Variants in SVEP1 observed in about 807,000 individuals in gnomAD.
SVEP1 encodes the protein sushi, von Willebrand factor type A, EGF and pentraxin domain-containing protein 1.
SVEP1 carries 164 observed loss-of-function variants against 367.3 expected under a neutral mutation model. The observed-to-expected ratio is 0.45, with a 90% CI of 0.39 to 0.51. The LOEUF is 0.51. Ranked by LOEUF, SVEP1 falls within the 20% of genes least tolerant of loss-of-function variation. The probability of loss-of-function intolerance (pLI) is 0.00; values close to 1 mark genes in which losing one functional copy is unlikely to be tolerated. For synonymous variants in SVEP1, 1,666 were observed against 1,611.6 expected (o/e 1.03, Z -0.81); for missense variants, 4,117 against 4,425.3 (o/e 0.93, Z 1.98).
At chr9:110,495,804 A>C (rs1158706072) in intron 8 of SVEP1, among the ~76,000 whole-genome samples, 2 of 152,218 alleles carry the variant, frequency 1.3e-5, no homozygotes, top group Non-Finnish European at 2.9e-5. Flanking sequence ...CTATACAAAG[A>C]AAATTAAAAT....
intron 40 of SVEP1, among the ~76,000 whole-genome samples, chr9:110,396,770 A>G (rs1298868328): frequency 6.6e-6 from 1 of 152,116 alleles, no homozygotes; most frequent in Non-Finnish European, 1.5e-5. Flanking sequence ...CTCGACACAT[A>G]CATCCTCCCA....
chr9:110,576,227 T>TCA (rs57822772), intron 1 of SVEP1, among the ~76,000 whole-genome samples: 14,729 of 149,958 alleles, frequency 0.098, 2,027 homozygotes, highest in African/African-American at 0.31. Flanking sequence ...ATAGGTAGTC[T>TCA]CACACACACA....
intron 3 of SVEP1, among the ~76,000 whole-genome samples, chr9:110,519,249 A>G (rs546779499): frequency 6.6e-6 from 1 of 152,308 alleles, no homozygotes; most frequent in South Asian, 2.1e-4. Context: ...GGCATTTGGG[A>G]AATGTTAGAA....
chr9:110,429,869 C>T lies in SVEP1; in HGVS notation c.5615+51G>A. The T allele has an allele frequency of 2.7e-6, 4 of 1,480,080 alleles. No homozygotes were observed. In the South Asian group the frequency reaches 3.4e-5, roughly 13 times the overall value. The allele number at this position is 1,480,080 out of a possible 1,614,324, so 91.7% of individuals were successfully genotyped here. A position where few individuals can be genotyped will look rare whatever the true frequency, so the allele number is the denominator to read the frequency against. On this transcript the variant is annotated intron_variant, in intron 34 of 47. Coordinates refer to ENST00000374469, the MANE Select transcript of SVEP1 (RefSeq NM_153366.4). ...CTTTCTTTCAGTGTTATATCACTAC[C>T]AGTATGCCATCAACATCTTCTACAA... is the stretch of plus-strand genomic sequence containing the variant.
intron 12 of SVEP1, among the ~76,000 whole-genome samples, chr9:110,480,531 A>G (rs924980500): frequency 2.0e-5 from 3 of 152,168 alleles, no homozygotes; most frequent in Non-Finnish European, 4.4e-5. Flanking sequence ...AATAGTTTAA[A>G]ATCTAAATCA....
chr9:110,528,152 G>GTATATA (rs1366946066), intron 3 of SVEP1, among the ~76,000 whole-genome samples: 186 of 22,004 alleles, frequency 8.5e-3, no homozygotes, highest in Middle Eastern at 0.031. Flanking sequence ...GTGTGTGTGT[G>GTATATA]TGTGTATATA....
At chr9:110,530,834 G>A (rs1830009443) in intron 3 of SVEP1, among the ~76,000 whole-genome samples, 1 of 152,116 alleles carries the variant, frequency 6.6e-6, no homozygotes, top group African/African-American at 2.4e-5. Flanking sequence ...ACCGTGCCCA[G>A]TCTTTATTCA....
At chr9:110,516,520 ATTAT>A (rs144022069) in intron 3 of SVEP1, among the ~76,000 whole-genome samples, 24,966 of 151,896 alleles carry the variant, frequency 0.16, 2,535 homozygotes, top group Admixed American at 0.26. Flanking sequence ...GAACTACTGA[ATTAT>A]TTATATTACT....
intron 24 of SVEP1, among the ~76,000 whole-genome samples, chr9:110,449,135 TG>T (rs1210958342): frequency 1.3e-5 from 2 of 151,710 alleles, no homozygotes; most frequent in African/African-American, 2.4e-5. Flanking sequence ...CTGCAAAGAG[TG>T]GGGGATGGAA....
intron 5 of SVEP1, among the ~76,000 whole-genome samples, chr9:110,511,507 T>A (rs1326306600): frequency 4.3e-5 from 3 of 70,280 alleles, no homozygotes; most frequent in African/African-American, 6.3e-5. Context: ...TTTTTTTTTT[T>A]TTTTTTTTTT....
In SVEP1 at chr9:110,576,868, T is replaced by C. The variant is rs550447596; in HGVS notation, c.531+2145A>G. Among the ~76,000 whole-genome samples, 23 of 152,236 alleles carry C rather than the reference T, an allele frequency of 1.5e-4. 1 individual carries two copies. Among genetic ancestry groups the C allele is most frequent in the South Asian group, 4.1e-4 (2 of 4,830 alleles). On this transcript the variant is annotated intron_variant, in intron 1 of 47. Transcript: ENST00000374469. ...GCAAATTATATGAACCAAATAGTGC[T>C]GGGACAACTGCTTATTCATTTAAAA...
intron 36 of SVEP1, 97 bp from the exon 37 acceptor site, chr9:110,411,832 T>C: frequency 1.8e-6 from 2 of 1,140,044 alleles, no homozygotes; most frequent in Non-Finnish European, 2.4e-6. Flanking sequence ...CCACAATGAC[T>C]TTAAATTTAT....
At chr9:110,370,501 T>C (rs917118213) in intron 46 of SVEP1, among the ~76,000 whole-genome samples, 7 of 152,190 alleles carry the variant, frequency 4.6e-5, no homozygotes, top group Non-Finnish European at 4.4e-5. Flanking sequence ...TTTATGATAA[T>C]AAATTAGGCA....
At chr9:110,431,222 G>T (rs1426206952) in intron 32 of SVEP1, among the ~76,000 whole-genome samples, 1 of 152,068 alleles carries the variant, frequency 6.6e-6, no homozygotes, top group Non-Finnish European at 1.5e-5. Flanking sequence ...ACAGAGAAAA[G>T]TTACTTATGG....
intron 47 of SVEP1, among the ~76,000 whole-genome samples, chr9:110,368,058 C>G (rs914186211): frequency 1.3e-5 from 2 of 152,070 alleles, no homozygotes; most frequent in Non-Finnish European, 2.9e-5. Context: ...GCCTGGGCAT[C>G]TGAGTGAGAC....
intron 36 of SVEP1, among the ~76,000 whole-genome samples, chr9:110,416,712 T>C (rs548645043): frequency 9.2e-5 from 14 of 152,166 alleles, no homozygotes; most frequent in Admixed American, 1.3e-4. Flanking sequence ...AGTCATCTCA[T>C]AGCAAAACAC....
In SVEP1 at chr9:110,579,547, G is replaced by A. The variant is rs1210848522; in HGVS notation, c.-4C>T. The A allele has an allele frequency of 6.3e-7, 1 of 1,587,926 alleles. No individual in the cohort carries two copies. The highest frequency in any genetic ancestry group is 1.7e-5 in the Admixed American group (1 of 57,484). On this transcript the variant is annotated 5_prime_UTR_variant, in exon 1 of 48. Coordinates refer to ENST00000374469, the MANE Select transcript of SVEP1 (RefSeq NM_153366.4). This position sits in a 1 kb window ranked among gnomAD's most constrained non-coding sequence, Gnocchi z 5.3. ...AAAAGGCCAGGCGAGGCCACATCGC[G>A]CTGGAGACAGAGCGGCTGCCCCGGA...
intron 1 of SVEP1, among the ~76,000 whole-genome samples, chr9:110,557,535 C>T (rs552904713): frequency 5.0e-5 from 7 of 139,774 alleles, no homozygotes; most frequent in South Asian, 2.7e-4. Flanking sequence ...TTCTTTCATA[C>T]GGAATTCTTA....
chr9:110,373,307 TC>T (rs1023141814), intron 46 of SVEP1, among the ~76,000 whole-genome samples: 1 of 152,190 alleles, frequency 6.6e-6, no homozygotes, highest in African/African-American at 2.4e-5. Context: ...TTCTCTACAT[TC>T]ATGAATGGCT....
Sources: allele counts gnomAD v4.1 joint callset (sites outside exome capture counted in the v4.1 genomes callset), GRCh38; gene constraint gnomAD v4.1.1; non-coding constraint Gnocchi (gnomAD v3.1); transcripts MANE v1.5; gene names NCBI Gene and HGNC (gene_info 2026-07-23, HGNC 2026-07-21).